The following CNTNAP2 variants were observed in gnomAD, a reference collection of about 807,000 sequenced individuals.
CNTNAP2 encodes the protein contactin-associated protein-like 2.
A neutral mutation model predicts 155.2 loss-of-function variants in CNTNAP2; 98 were observed. The ratio of observed to expected loss-of-function variants is 0.63; its 90% CI spans 0.54 to 0.75. The LOEUF (loss-of-function observed/expected upper bound fraction) is 0.75, where lower values mean the gene tolerates loss of function less well. Among genes scored for constraint, CNTNAP2 ranks in the 30% least tolerant of loss-of-function variants. The pLI is 0.00. For missense variants in CNTNAP2, 1,727 were observed against 1,688.1 expected, an observed-to-expected ratio of 1.02 and a Z score of -0.40; for synonymous variants, 651 against 631.2, an observed-to-expected ratio of 1.03 and a Z score of -0.47.
intron 3 of CNTNAP2, among the ~76,000 whole-genome samples, chr7:146,865,731 T>C (rs1795192359): frequency 6.6e-6 from 1 of 152,104 alleles, no homozygotes; most frequent in Admixed American, 6.6e-5. Flanking sequence ...AGCCATTTAT[T>C]AGGACAAAAA....
At chr7:147,850,802 C>A (rs1798922711) in intron 13 of CNTNAP2, among the ~76,000 whole-genome samples, 1 of 152,060 alleles carries the variant, frequency 6.6e-6, no homozygotes, top group Admixed American at 6.6e-5. Flanking sequence ...AATGTTAGAC[C>A]TAAAACCATA....
chr7:147,472,007 G>A (rs1798225397), intron 10 of CNTNAP2, among the ~76,000 whole-genome samples: 1 of 152,120 alleles, frequency 6.6e-6, no homozygotes. Context: ...AAAGAAGCAT[G>A]TGTGCAAAGG....
intron 13 of CNTNAP2, among the ~76,000 whole-genome samples, chr7:147,690,802 T>C (rs2116991410): frequency 6.6e-6 from 1 of 152,220 alleles, no homozygotes; most frequent in South Asian, 2.1e-4. Flanking sequence ...CCACTTTGAG[T>C]TGTATTGACC....
intron 1 of CNTNAP2, among the ~76,000 whole-genome samples, chr7:146,491,085 A>T (rs1261203107): frequency 6.6e-6 from 1 of 152,130 alleles, no homozygotes; most frequent in Non-Finnish European, 1.5e-5. Context: ...GATTTTTGCA[A>T]AGCCCCCCCA....
chr7:148,402,524 A>G (rs1324286777), intron 22 of CNTNAP2, among the ~76,000 whole-genome samples: 1 of 152,222 alleles, frequency 6.6e-6, no homozygotes, highest in African/African-American at 2.4e-5. Context: ...GTCGATAACC[A>G]TTTGTTTTCA....
intron 15 of CNTNAP2, among the ~76,000 whole-genome samples, chr7:148,001,766 T>C (rs957611177): frequency 2.6e-5 from 4 of 152,198 alleles, no homozygotes; most frequent in Non-Finnish European, 5.9e-5. Context: ...AAATAAAGTA[T>C]TTTTATTGGA....
chr7:147,246,450 G>A (rs545841272), intron 8 of CNTNAP2, among the ~76,000 whole-genome samples: 9 of 152,268 alleles, frequency 5.9e-5, no homozygotes, highest in Non-Finnish European at 1.0e-4. Context: ...GGCAGTCCAA[G>A]CTGCTGGCAG....
At chr7:146,514,539 T>C (rs536908772) in intron 1 of CNTNAP2, among the ~76,000 whole-genome samples, 5 of 152,210 alleles carry the variant, frequency 3.3e-5, no homozygotes, top group East Asian at 3.9e-4. Context: ...TCTAATTCAA[T>C]GTATTCTTTA....
chr7:147,502,921 A>G (rs1244191016), intron 11 of CNTNAP2, among the ~76,000 whole-genome samples: 1 of 152,160 alleles, frequency 6.6e-6, no homozygotes, highest in Non-Finnish European at 1.5e-5. Context: ...TATTATACAC[A>G]TCAGAAGAGT....
At chr7:147,894,679 T>C (rs148998437) in intron 13 of CNTNAP2, among the ~76,000 whole-genome samples, 3 of 152,202 alleles carry the variant, frequency 2.0e-5, no homozygotes, top group African/African-American at 7.2e-5. Context: ...TTTAATATCC[T>C]ATAGAAACAG....
intron 21 of CNTNAP2, among the ~76,000 whole-genome samples, chr7:148,292,052 A>T (rs1366265970): frequency 2.0e-5 from 3 of 152,236 alleles, no homozygotes; most frequent in Non-Finnish European, 4.4e-5. Flanking sequence ...AAAGAAAAAA[A>T]ACATGTCCCA....
intron 21 of CNTNAP2, among the ~76,000 whole-genome samples, chr7:148,275,362 G>A (rs1299951846): frequency 6.6e-6 from 1 of 152,114 alleles, no homozygotes; most frequent in East Asian, 1.9e-4. Context: ...GCATACTAGA[G>A]GAAGTAACAC....
chr7:146,886,016 T>A (rs2129210442), intron 3 of CNTNAP2, among the ~76,000 whole-genome samples: 1 of 151,408 alleles, frequency 6.6e-6, no homozygotes, highest in South Asian at 2.1e-4. Context: ...AAGAATAGAC[T>A]AATTCTAGTA....
At chr7:146,188,773 C>G (rs911076690) in intron 1 of CNTNAP2, among the ~76,000 whole-genome samples, 3 of 152,164 alleles carry the variant, frequency 2.0e-5, no homozygotes, top group African/African-American at 7.2e-5. Flanking sequence ...CATGAATAGA[C>G]TAGAGCACAC....
chr7:147,234,318 T>C (rs1327108074), intron 8 of CNTNAP2, among the ~76,000 whole-genome samples: 1 of 150,000 alleles, frequency 6.7e-6, no homozygotes, highest in Non-Finnish European at 1.5e-5. Context: ...GTTTCACCAG[T>C]TGTCCCAAGA....
At chr7:146,711,057 G>C (rs1259669202) in intron 1 of CNTNAP2, among the ~76,000 whole-genome samples, 1 of 151,544 alleles carries the variant, frequency 6.6e-6, no homozygotes, top group Non-Finnish European at 1.5e-5. Context: ...GGAGAACACA[G>C]GTTGGCAAGA....
intron 1 of CNTNAP2, among the ~76,000 whole-genome samples, chr7:146,569,166 A>G (rs539251031): frequency 3.4e-4 from 51 of 151,914 alleles, no homozygotes; most frequent in Admixed American, 2.4e-3. Flanking sequence ...ACAGGCGCCC[A>G]CCACCACGCC....
intron 1 of CNTNAP2, among the ~76,000 whole-genome samples, chr7:146,594,652 C>T (rs553735702): frequency 5.5e-4 from 83 of 152,090 alleles, no homozygotes; most frequent in African/African-American, 1.7e-3. Flanking sequence ...GAAAATCTTA[C>T]GCCAACCTTT....
At chr7:147,581,620 A>T (rs1030201584) in intron 12 of CNTNAP2, among the ~76,000 whole-genome samples, 3 of 152,174 alleles carry the variant, frequency 2.0e-5, no homozygotes, top group African/African-American at 7.2e-5. Flanking sequence ...AGTGTATAGG[A>T]TTTCTTGTGA....
Sources: allele counts gnomAD v4.1 joint callset (sites outside exome capture counted in the v4.1 genomes callset), GRCh38; gene constraint gnomAD v4.1.1; transcripts MANE v1.5; gene names NCBI Gene and HGNC (gene_info 2026-07-23, HGNC 2026-07-21).